Variants in MFN1 observed in about 807,000 individuals in gnomAD.
MFN1 encodes the protein mitofusin-1.
In MFN1, 65 loss-of-function variants were observed where a neutral mutation model predicts 92.4. The ratio of observed to expected loss-of-function variants is 0.70; its 90% confidence interval spans 0.58 to 0.86. The LOEUF (loss-of-function observed/expected upper bound fraction) is 0.86, where lower values mean the gene tolerates loss of function less well. Among genes scored for constraint, MFN1 ranks in the 40% least tolerant of loss-of-function variants. The probability of loss-of-function intolerance (pLI) is 0.00; values close to 1 mark genes in which losing one functional copy is unlikely to be tolerated. For missense variants in MFN1, 781 were observed against 868.0 expected (o/e 0.90, Z 1.26); for synonymous variants, 297 against 300.9 (o/e 0.99, Z 0.13).
chr3:179,370,426 C>T (rs964352012), intron 9 of MFN1, among the ~76,000 whole-genome samples: 1 of 100,758 alleles, frequency 9.9e-6, no homozygotes, highest in Admixed American at 1.6e-4. Flanking sequence ...GAGACAGAGT[C>T]TCGCTCTGTC....
intron 3 of MFN1, among the ~76,000 whole-genome samples, chr3:179,356,842 A>G (rs1230891804): frequency 6.6e-6 from 1 of 152,178 alleles, no homozygotes; most frequent in Non-Finnish European, 1.5e-5. Context: ...CCATCACCCA[A>G]TGTATGCAGC....
At chr3:179,369,226 T>G (rs1712925309) in intron 9 of MFN1, among the ~76,000 whole-genome samples, 1 of 152,148 alleles carries the variant, frequency 6.6e-6, no homozygotes, top group African/African-American at 2.4e-5. Flanking sequence ...TTTTTTCTCT[T>G]AAAGAAATGG....
At chr3:179,379,438 C>T (rs1314623965) in intron 14 of MFN1, among the ~76,000 whole-genome samples, 1 of 152,184 alleles carries the variant, frequency 6.6e-6, no homozygotes, top group African/African-American at 2.4e-5. Flanking sequence ...ACTGCAACCT[C>T]CACCTCCCGG....
intron 14 of MFN1, among the ~76,000 whole-genome samples, chr3:179,383,551 C>T (rs536269143): frequency 3.3e-5 from 5 of 152,102 alleles, no homozygotes; most frequent in Admixed American, 2.0e-4. Context: ...CTTGGCAATG[C>T]GGGCTCTTTT....
chr3:179,370,285 G>C (rs1012506575), intron 9 of MFN1, among the ~76,000 whole-genome samples: 1 of 150,938 alleles, frequency 6.6e-6, no homozygotes, highest in Non-Finnish European at 1.5e-5. Flanking sequence ...TACACACACA[G>C]ACCCTTAATG....
intron 14 of MFN1, among the ~76,000 whole-genome samples, chr3:179,383,888 ATTT>A (rs1016767583): frequency 6.6e-6 from 1 of 152,144 alleles, no homozygotes; most frequent in Non-Finnish European, 1.5e-5. Flanking sequence ...CAATTCAGTA[ATTT>A]TTTAGGAAAT....
At chr3:179,354,898 G>A (rs1208680674) in intron 3 of MFN1, among the ~76,000 whole-genome samples, 1 of 152,070 alleles carries the variant, frequency 6.6e-6, no homozygotes, top group Admixed American at 6.6e-5. Context: ...GGCTTCAAGC[G>A]ATTCTCCTGC....
At position 179,347,764 on chromosome 3, in the gene MFN1, A is replaced by C. The variant is rs1033058404; in HGVS notation, c.-54A>C. The C allele has an allele frequency of 6.6e-6, 1 of 152,368 alleles. No homozygotes were observed. The highest frequency in any genetic ancestry group is 1.5e-5 in the Non-Finnish European group (1 of 68,156). 9.4% of individuals were successfully genotyped at this position (152,368 alleles called of 1,614,324 possible). A position where few individuals can be genotyped will look rare whatever the true frequency, so the allele number is the denominator to read the frequency against. On this transcript the variant is annotated 5_prime_UTR_variant, in exon 1 of 18. Coordinates refer to ENST00000471841, the MANE Select transcript of MFN1 (RefSeq NM_033540.3). ...TCTCGGGAAGATGAGGCAGTTTGGC[A>C]TCTGTGGCCGAGTTGCTGTTGCCGG...
At chr3:179,377,284 T>G in intron 11 of MFN1, 60 bp from the exon 12 acceptor site, 1 of 1,525,924 alleles carries the variant, frequency 6.6e-7, no homozygotes, top group Non-Finnish European at 8.9e-7. Context: ...CAATTTAATT[T>G]TTTTGAATAA....
At chr3:179,372,988 A>G (rs1327711982) in intron 9 of MFN1, among the ~76,000 whole-genome samples, 1 of 152,154 alleles carries the variant, frequency 6.6e-6, no homozygotes, top group Non-Finnish European at 1.5e-5. Context: ...ACATCCGGGT[A>G]TGTTTTATCT....
intron 16 of MFN1, 25 bp from the exon 17 acceptor site, chr3:179,389,978 GA>G (rs1389051936): frequency 1.6e-5 from 25 of 1,583,948 alleles, no homozygotes; most frequent in Non-Finnish European, 2.1e-5. Flanking sequence ...AGACATTTAT[GA>G]CTGCTTCTAA....
chr3:179,387,978 C>T (rs1045892970), intron 16 of MFN1, among the ~76,000 whole-genome samples: 2 of 151,960 alleles, frequency 1.3e-5, no homozygotes, highest in Admixed American at 6.6e-5. Flanking sequence ...ATGATCCACT[C>T]GCCTCGGCCT....
Position 179,386,595 on chromosome 3 carries a change from T to C in MFN1, c.1978T>C (p.Ser660Pro). The C allele has an allele frequency of 6.2e-7, 1 of 1,613,466 alleles. No individual in the cohort carries two copies. Among genetic ancestry groups the C allele is most frequent in the Admixed American group, 1.7e-5 (1 of 59,744 alleles). ...TGAAAAACTGAGGATGATTGTTAGC[T>C]CCACGAGTGCAAACTGCAGTCACCA... ...ATEKLRMIVS[S>P]TSANCSHQVK... The change falls in exon 16 of 18, where the codon TCC becomes CCC. Residue 660 changes from serine to proline, a missense_variant. Physicochemically the swap from Ser to Pro is moderately conservative, Grantham distance 74 (BLOSUM62 -1). Coordinates refer to ENST00000471841, the MANE Select transcript of MFN1 (RefSeq NM_033540.3).
chr3:179,374,955 T>A (rs1713181248), intron 9 of MFN1, among the ~76,000 whole-genome samples: 1 of 151,958 alleles, frequency 6.6e-6, no homozygotes, highest in South Asian at 2.1e-4. Context: ...ACCCTGTTTA[T>A]TTTTTTTAAT....
intron 14 of MFN1, among the ~76,000 whole-genome samples, chr3:179,384,398 C>G (rs1353487481): frequency 6.6e-6 from 1 of 151,978 alleles, no homozygotes; most frequent in Non-Finnish European, 1.5e-5. Context: ...CCCTAATGAC[C>G]AATGATTTTA....
chr3:179,348,291 CTT>C (rs1712000504), intron 1 of MFN1, among the ~76,000 whole-genome samples: 2 of 152,224 alleles, frequency 1.3e-5, no homozygotes, highest in East Asian at 1.9e-4. Context: ...TCTTTGGTGT[CTT>C]TTTCTTGAGA....
intron 14 of MFN1, among the ~76,000 whole-genome samples, chr3:179,382,064 C>CA (rs1713487611): frequency 1.1e-5 from 1 of 87,176 alleles, no homozygotes; most frequent in African/African-American, 5.0e-5. Flanking sequence ...TAAATACAAG[C>CA]ATTTTTTTAA....
intron 9 of MFN1, among the ~76,000 whole-genome samples, chr3:179,373,373 T>G (rs1444824847): frequency 6.6e-6 from 1 of 152,084 alleles, no homozygotes; most frequent in Non-Finnish European, 1.5e-5. Flanking sequence ...AGCACTAGAG[T>G]ATTAAGTAAA....
intron 17 of MFN1, 141 bp downstream of exon 17, chr3:179,390,279 T>C: frequency 9.0e-6 from 7 of 775,726 alleles, no homozygotes; most frequent in Non-Finnish European, 1.3e-5. Context: ...TAATTCCATG[T>C]GGTTTGCAGT....
Sources: allele counts gnomAD v4.1 joint callset (sites outside exome capture counted in the v4.1 genomes callset), GRCh38; gene constraint gnomAD v4.1.1; transcripts MANE v1.5; gene names NCBI Gene and HGNC (gene_info 2026-07-23, HGNC 2026-07-21).